Variants in SHISA7 observed in about 807,000 individuals in gnomAD.
The protein encoded by SHISA7 is protein shisa-7.
Under a neutral mutation model 23.9 loss-of-function variants are expected in SHISA7, and 6 were observed. That is an observed-to-expected ratio of 0.25 (90% CI 0.14 to 0.50). SHISA7 has a LOEUF of 0.50. Among genes scored for constraint, SHISA7 ranks in the 20% least tolerant of loss-of-function variants. The probability of loss-of-function intolerance (pLI) is 0.98; values close to 1 mark genes in which losing one functional copy is unlikely to be tolerated. For missense variants in SHISA7, 671 were observed against 801.1 expected, an observed-to-expected ratio of 0.84 and a Z score of 1.96; for synonymous variants, 386 against 398.3, an observed-to-expected ratio of 0.97 and a Z score of 0.37.
chr19:55,442,534 G>T lies in SHISA7; in HGVS notation c.330C>A (p.Cys110Ter). The T allele has an allele frequency of 6.8e-7, 1 of 1,480,264 alleles. No homozygotes were observed. The allele number at this position is 1,480,264 out of a possible 1,614,324, so 91.7% of individuals were successfully genotyped here. Residue 110 changes from cysteine to a stop codon, truncating the protein, a stop_gained, in exon 1 of 4, where the codon TGC becomes TGA. Transcript: ENST00000376325. LOFTEE classifies it high-confidence loss of function. ...GGTGCTCACAGCAGAAGCGGTAGTG[G>T]CAGGTGCCACAGCAGAAGCGGTAGG... ...TGSYRFCCGT[C>*]HYRFCCEHRH...
rs1407857208 is a variant in SHISA7 at position 55,440,530 on chromosome 19, A to G, written c.826+81T>C. 6 of 1,208,360 alleles carry G rather than the reference A, an allele frequency of 5.0e-6. No individual in the cohort carries two copies. In the South Asian group the frequency reaches 1.3e-4, roughly 26 times the overall value. The allele number at this position is 1,208,360 out of a possible 1,614,324, so 74.9% of individuals were successfully genotyped here. On this transcript the variant is annotated intron_variant, in intron 2 of 3. Coordinates refer to ENST00000376325, the MANE Select transcript of SHISA7 (RefSeq NM_001145176.2). ...GGCGGGTCCTGGGCGATGGGGGTGG[A>G]GCCGCCATGGAGGGCGGGGCTACAT...
intron 2 of SHISA7, chr19:55,438,684 C>G (rs566666864): frequency 2.8e-4 from 353 of 1,274,428 alleles, no homozygotes; most frequent in Non-Finnish European, 3.5e-4. Flanking sequence ...CAGCTGGCAC[C>G]GTGGCCCTGA....
chr19:55,432,983 G>A lies in SHISA7; in HGVS notation c.*173C>T, dbSNP rs1985246156. On this transcript the variant is annotated 3_prime_UTR_variant, in exon 4 of 4. Transcript: ENST00000376325. This position sits in a 1 kb window ranked among gnomAD's most constrained non-coding sequence, Gnocchi z 4.6. ...GGAAGGAGGCCTTGGCTCAAGCAGTGAAGTAATAGGAGGAGGAATCTTGTC... is the reference window on the plus strand; with the variant it reads ...GGAAGGAGGCCTTGGCTCAAGCAGTAAAGTAATAGGAGGAGGAATCTTGTC... The A allele has an allele frequency of 1.2e-6, 1 of 804,396 alleles. No homozygotes were observed. Among genetic ancestry groups the A allele is most frequent in the Admixed American group, 3.8e-5 (1 of 26,224 alleles). The allele number at this position is 804,396 out of a possible 1,614,324, so 49.8% of individuals were successfully genotyped here. A position where few individuals can be genotyped will look rare whatever the true frequency, so the allele number is the denominator to read the frequency against.
intron 3 of SHISA7, among the ~76,000 whole-genome samples, chr19:55,434,501 T>G (rs1985323854): frequency 8.3e-6 from 1 of 121,136 alleles, no homozygotes; most frequent in Non-Finnish European, 1.7e-5. Context: ...GTATATGTGG[T>G]GTGTATGTGG....
intron 3 of SHISA7, among the ~76,000 whole-genome samples, chr19:55,436,488 A>T (rs1354283563): frequency 6.6e-6 from 1 of 151,952 alleles, no homozygotes; most frequent in Non-Finnish European, 1.5e-5. Flanking sequence ...CTGTAATCCC[A>T]GCTACTCAGG....
intron 3 of SHISA7, among the ~76,000 whole-genome samples, chr19:55,435,936 G>A (rs1324858281): frequency 7.1e-6 from 1 of 140,594 alleles, no homozygotes; most frequent in African/African-American, 2.6e-5. Flanking sequence ...AAGATTTCCT[G>A]TAATTAAAAA....
chr19:55,440,844 T>G, intron 1 of SHISA7, 79 bp from the exon 2 acceptor site: 2 of 1,199,948 alleles, frequency 1.7e-6, no homozygotes, highest in Non-Finnish European at 2.1e-6. Context: ...TTCCGCTCCC[T>G]GCTCTCGCCC....
rs1422106678 is a variant in SHISA7, at chr19:55,429,494, C to G, written c.*3662G>C. ...AGGGCCCAGGTGGATTTGGGTAACC[C>G]CCATTTCCTCAGTGTGGTGGGAACC... is the stretch of plus-strand genomic sequence containing the variant. On this transcript the variant is annotated 3_prime_UTR_variant, in exon 4 of 4. Transcript: ENST00000376325. 6.6e-6 allele frequency: 1 copy of G among 152,186 alleles called. No individual in the cohort carries two copies. The highest frequency in any genetic ancestry group is 2.4e-5 in the African/African-American group (1 of 41,402). 9.4% of individuals were successfully genotyped at this position (152,186 alleles called of 1,614,324 possible). A position where few individuals can be genotyped will look rare whatever the true frequency, so the allele number is the denominator to read the frequency against.
At chr19:55,435,278 C>T (rs1384247696) in intron 3 of SHISA7, among the ~76,000 whole-genome samples, 57 of 75,264 alleles carry the variant, frequency 7.6e-4, no homozygotes, top group Admixed American at 1.1e-3. Context: ...TGCGTGTGTG[C>T]GTGTGTGTAT....
At position 55,440,867 on chromosome 19, in the gene SHISA7, T is replaced by C. The variant is rs180694863; in HGVS notation, c.672-102A>G. The C allele has an allele frequency of 4.3e-4, 486 of 1,120,706 alleles. 1 individual carries two copies. The highest frequency in any genetic ancestry group is 1.7e-3 in the Admixed American group (41 of 23,594). The allele number at this position is 1,120,706 out of a possible 1,614,324, so 69.4% of individuals were successfully genotyped here. On this transcript the variant is annotated intron_variant, in intron 1 of 3. Coordinates refer to ENST00000376325, the MANE Select transcript of SHISA7 (RefSeq NM_001145176.2). ...CCTGCTCTCGCCCTTGGGTAATCTG[T>C]CACTCAGCCTGCCTTTTTCGCCATT... is the stretch of plus-strand genomic sequence containing the variant.
In SHISA7 at chr19:55,440,804, G is replaced by A. The variant is rs190434019; in HGVS notation, c.672-39C>T. The A allele has an allele frequency of 6.1e-5, 75 of 1,236,016 alleles. No individual in the cohort carries two copies. The Middle Eastern group carries it at 1.9e-3, about 31-fold the overall frequency. 76.6% of individuals were successfully genotyped at this position (1,236,016 alleles called of 1,614,324 possible). A position where few individuals can be genotyped will look rare whatever the true frequency, so the allele number is the denominator to read the frequency against. On this transcript the variant is annotated intron_variant, in intron 1 of 3. Coordinates refer to ENST00000376325, the MANE Select transcript of SHISA7 (RefSeq NM_001145176.2). ...AGAGGTGGTCAAAGGCCTGGGGGCT[G>A]AGGGTGGCAGGGGTACCAGGAAGGC...
rs1474729312 is a variant in SHISA7 at position 55,443,237 on chromosome 19, G to T, written c.-374C>A. Reference sequence around the variant, plus strand: ...GGGAGGGTCGACAGACACCAGAGGGGTGTGCAGACATTAGGACGAGGAGCG... The same window carrying T: ...GGGAGGGTCGACAGACACCAGAGGGTTGTGCAGACATTAGGACGAGGAGCG... On this transcript the variant is annotated 5_prime_UTR_variant, in exon 1 of 4. Coordinates refer to ENST00000376325, the MANE Select transcript of SHISA7 (RefSeq NM_001145176.2). Among the ~76,000 whole-genome samples the T allele has an allele frequency of 6.6e-6, 1 of 151,194 alleles. No individual in the cohort carries two copies. The highest frequency in any genetic ancestry group is 1.5e-5 in the Non-Finnish European group (1 of 67,872).
At position 55,428,800 on chromosome 19, in the gene SHISA7, C is replaced by T. The variant is rs1985094672; in HGVS notation, c.*4356G>A. 1 of 152,164 alleles carries T rather than the reference C, an allele frequency of 6.6e-6. No individual in the cohort carries two copies. Among genetic ancestry groups the T allele is most frequent in the Non-Finnish European group, 1.5e-5 (1 of 68,084 alleles). The allele number at this position is 152,164 out of a possible 1,614,324, so 9.4% of individuals were successfully genotyped here. A position where few individuals can be genotyped will look rare whatever the true frequency, so the allele number is the denominator to read the frequency against. ...GTCGCAGCTCCTCTGGCTGTCCTCA[C>T]CAGGGAATTAATTAGGGGAAGGGGC... is the stretch of plus-strand genomic sequence containing the variant. On this transcript the variant is annotated 3_prime_UTR_variant, in exon 4 of 4. Transcript: ENST00000376325.
chr19:55,437,639 G>C lies in SHISA7; in HGVS notation c.942C>G (p.Ser314=). Residue 314 remains serine (S), a synonymous_variant, in exon 3 of 4, where the codon TCC becomes TCG. Coordinates refer to ENST00000376325, the MANE Select transcript of SHISA7 (RefSeq NM_001145176.2). The part of the protein sequence containing the change: ...LPPSYEAAVK[S]ELNRYSSLKR... ...TGAGGGAAGAGTAGCGGTTCAGCTC[G>C]GATTTCACGGCAGCCTCGTAGGACG... 1.3e-6 allele frequency: 2 copies of C among 1,551,532 alleles called. No homozygotes were observed. Among genetic ancestry groups the C allele is most frequent in the Non-Finnish European group, 1.7e-6 (2 of 1,146,912 alleles).
intron 3 of SHISA7, among the ~76,000 whole-genome samples, chr19:55,437,201 G>A (rs891277631): frequency 6.6e-6 from 1 of 152,184 alleles, no homozygotes; most frequent in African/African-American, 2.4e-5. Context: ...CACGAGGGGA[G>A]ACTCTCTGAA....
intron 1 of SHISA7, 32 bp downstream of exon 1, chr19:55,442,161 C>A (rs1388128228): frequency 1.3e-6 from 2 of 1,515,910 alleles, no homozygotes; most frequent in South Asian, 1.2e-5. Context: ...CCGCCCCAGG[C>A]TCGCAGTCCT....
chr19:55,433,507 G>C lies in SHISA7; in HGVS notation c.1266C>G (p.Arg422=). 6.8e-7 allele frequency: 1 copy of C among 1,465,726 alleles called. No homozygotes were observed. Among genetic ancestry groups the C allele is most frequent in the Non-Finnish European group, 9.0e-7 (1 of 1,115,574 alleles). The allele number at this position is 1,465,726 out of a possible 1,614,324, so 90.8% of individuals were successfully genotyped here. The change falls in exon 4 of 4, where the codon CGC becomes CGG. Residue 422 remains arginine, a synonymous_variant. Transcript: ENST00000376325. The surrounding 1 kb of genome is among the most constrained non-coding windows in gnomAD (Gnocchi z 8.4). ...HLLLSSPEAL[R]QSREHLLSPP... is the part of the protein sequence containing the mutation. ...GCGACAGCAGGTGCTCGCGACTCTG[G>C]CGCAGGGCCTCGGGCGAGGACAGCA...
rs1248745237 is a variant in SHISA7, at chr19:55,433,495, C to T, written c.1278G>A (p.Glu426=). Residue 426 remains glutamate, a synonymous_variant, in exon 4 of 4, where the codon GAG becomes GAA. Coordinates refer to ENST00000376325, the MANE Select transcript of SHISA7 (RefSeq NM_001145176.2). The surrounding 1 kb of genome is among the most constrained non-coding windows in gnomAD (Gnocchi z 8.4). The stretch of plus-strand genomic sequence containing the variant: ...GGCTGCGCGGGGGCGACAGCAGGTG[C>T]TCGCGACTCTGGCGCAGGGCCTCGG... The part of the protein sequence containing the change: ...SSPEALRQSR[E]HLLSPPRSPA... 8.3e-6 allele frequency: 12 copies of T among 1,452,260 alleles called. No individual in the cohort carries two copies. Among genetic ancestry groups the T allele is most frequent in the African/African-American group, 1.5e-5 (1 of 67,506 alleles). The allele number at this position is 1,452,260 out of a possible 1,614,324, so 90.0% of individuals were successfully genotyped here.
At chr19:55,437,395 G>A (rs146749258) in intron 3 of SHISA7, among the ~76,000 whole-genome samples, 1 of 152,244 alleles carries the variant, frequency 6.6e-6, no homozygotes, top group Non-Finnish European at 1.5e-5. Context: ...ATATGTCCTG[G>A]GAGGGGAGAC....
Sources: gnomAD v4.1 joint callset for allele counts (sites outside exome capture counted in the v4.1 genomes callset) on GRCh38, gnomAD v4.1.1 for gene constraint, Gnocchi (gnomAD v3.1) non-coding constraint, MANE v1.5 for transcripts, NCBI Gene and HGNC (gene_info 2026-07-23, HGNC 2026-07-21) for gene names.